Variants in MGAT5B observed in about 807,000 individuals in gnomAD.
MGAT5B encodes the protein N-acetylglucosaminyl-transferase Vb.
Under a neutral mutation model 95.1 loss-of-function variants are expected in MGAT5B, and 54 were observed. The observed-to-expected ratio is 0.57, with a 90% confidence interval of 0.46 to 0.71. The LOEUF (loss-of-function observed/expected upper bound fraction) is 0.71. Among genes scored for constraint, MGAT5B ranks in the 30% least tolerant of loss-of-function variants. The pLI, the probability that MGAT5B is intolerant of heterozygous loss-of-function variation, is 0.00. For missense variants in MGAT5B, 935 were observed against 1,088.6 expected, an observed-to-expected ratio of 0.86 and a Z score of 1.99; for synonymous variants, 464 against 451.0, an observed-to-expected ratio of 1.03 and a Z score of -0.36.
intron 8 of MGAT5B, among the ~76,000 whole-genome samples, chr17:76,910,952 G>T (rs1968711180): frequency 6.6e-6 from 1 of 152,182 alleles, no homozygotes; most frequent in African/African-American, 2.4e-5. Context: ...ACAACTAAAA[G>T]AATAAAAATA....
At position 76,940,985 on chromosome 17, in the gene MGAT5B, T is replaced by C; in HGVS notation, c.1848+137T>C. On this transcript the variant is annotated intron_variant, in intron 15 of 17. Transcript: ENST00000569840. The surrounding 1 kb of genome is among the most constrained non-coding windows in gnomAD (Gnocchi z 4.3). ...TTGGCAAAGGTGTCCATCCCTCCCC[T>C]GGTCAGACACAGCCCTGAGCCAGGG... The C allele has an allele frequency of 1.5e-6, 1 of 651,844 alleles. No homozygotes were observed. The highest frequency in any genetic ancestry group is 2.7e-6 in the Non-Finnish European group (1 of 369,554). 40.4% of individuals were successfully genotyped at this position (651,844 alleles called of 1,614,324 possible). A position where few individuals can be genotyped will look rare whatever the true frequency, so the allele number is the denominator to read the frequency against.
At chr17:76,932,816 G>T in intron 11 of MGAT5B, 41 bp downstream of exon 11, 1 of 1,607,096 alleles carries the variant, frequency 6.2e-7, no homozygotes, top group Non-Finnish European at 8.5e-7. Context: ...CAGCCTGCTC[G>T]GCACAGGCCC....
chr17:76,905,175 T>C lies in MGAT5B; in HGVS notation c.697T>C (p.Phe233Leu). 1 of 1,610,068 alleles carries C rather than the reference T, an allele frequency of 6.2e-7. No homozygotes were observed. The highest frequency in any genetic ancestry group is 8.5e-7 in the Non-Finnish European group (1 of 1,177,060). ...GAGGTCTGGACCCCTCCAGGCAGTT[T>C]TCCGAAGCAACCTGTCCCACCTTCT... Reference protein sequence around the residue: ...PKPLPKVQAVFRSNLSHLLDL... With the variant: ...PKPLPKVQAVLRSNLSHLLDL... Residue 233 changes from phenylalanine to leucine, a missense_variant, in exon 7 of 18, where the codon TTC becomes CTC. Coordinates refer to ENST00000569840, the MANE Select transcript of MGAT5B (RefSeq NM_001199172.2). This position sits in a 1 kb window ranked among gnomAD's most constrained non-coding sequence, Gnocchi z 4.2.
At chr17:76,873,470 G>A (rs993557568) in intron 2 of MGAT5B, among the ~76,000 whole-genome samples, 1 of 152,228 alleles carries the variant, frequency 6.6e-6, no homozygotes, top group African/African-American at 2.4e-5. Flanking sequence ...TGGGCTTTGG[G>A]CGTCTGGTGG....
Position 76,872,973 on chromosome 17 carries a change from T to G in MGAT5B, c.181+10T>G, listed in dbSNP as rs146605213. 5.2e-4 allele frequency: 840 copies of G among 1,612,926 alleles called. 5 individuals are homozygous for G. The African/African-American group carries it at 0.01, about 20-fold the overall frequency. On this transcript the variant is annotated intron_variant, in intron 2 of 17. Transcript: ENST00000569840. ...ACCATCCGCACAGAAGGTACCTTGGTGGGGCAAGGGGAGTGTGAGATGAGT... is the reference window on the plus strand; with the variant it reads ...ACCATCCGCACAGAAGGTACCTTGGGGGGGCAAGGGGAGTGTGAGATGAGT...
intron 12 of MGAT5B, among the ~76,000 whole-genome samples, chr17:76,933,620 T>C (rs557394292): frequency 2.6e-5 from 4 of 152,220 alleles, no homozygotes; most frequent in African/African-American, 9.6e-5. Context: ...GAGGTCAAGG[T>C]TAATAACGAA....
chr17:76,938,793 C>G lies in MGAT5B; in HGVS notation c.1584+650C>G, dbSNP rs1969756897. Among the ~76,000 whole-genome samples, 1 of 152,172 alleles carries G rather than the reference C, an allele frequency of 6.6e-6. No homozygotes were observed. The highest frequency in any genetic ancestry group is 1.5e-5 in the Non-Finnish European group (1 of 68,028). On this transcript the variant is annotated intron_variant, in intron 13 of 17. Transcript: ENST00000569840. This position sits in a 1 kb window ranked among gnomAD's most constrained non-coding sequence, Gnocchi z 4.3. ...TCCTAGGCTCACACAGTCCCCTCACCTCCACCTCCCGAGTAGCTGGGACTA... is the reference window on the plus strand; with the variant it reads ...TCCTAGGCTCACACAGTCCCCTCACGTCCACCTCCCGAGTAGCTGGGACTA...
chr17:76,905,120 T>C lies in MGAT5B; in HGVS notation c.691-49T>C. 1 of 1,558,450 alleles carries C rather than the reference T, an allele frequency of 6.4e-7. No homozygotes were observed. The highest frequency in any genetic ancestry group is 8.7e-7 in the Non-Finnish European group (1 of 1,145,970). On this transcript the variant is annotated intron_variant, in intron 6 of 17. Transcript: ENST00000569840. The surrounding 1 kb of genome is among the most constrained non-coding windows in gnomAD (Gnocchi z 4.2). ...CTGTCCCCAGGCCAGCGGGGAATGA[T>C]GGTGGCCGCAGGTTGAGGGGCAGAG...
chr17:76,902,506 A>G, intron 3 of MGAT5B, 49 bp from the exon 4 acceptor site: 1 of 1,403,626 alleles, frequency 7.1e-7, no homozygotes, highest in Non-Finnish European at 9.8e-7. Context: ...CCTCATGGGA[A>G]GGTCACCCCG....
rs1968897209 is a variant in MGAT5B at position 76,915,481 on chromosome 17, G to A, written c.1025+9294G>A. 6.6e-6 allele frequency among the ~76,000 whole-genome samples: 1 copy of A among 152,126 alleles called. No individual in the cohort carries two copies. Among genetic ancestry groups the A allele is most frequent in the Non-Finnish European group, 1.5e-5 (1 of 68,028 alleles). On this transcript the variant is annotated intron_variant, in intron 8 of 17. Transcript: ENST00000569840. The surrounding 1 kb of genome is among the most constrained non-coding windows in gnomAD (Gnocchi z 8.7). ...GGACAAGACCGAAAAACAACCCTCG[G>A]GCTCTACCAGGGTTTGTAATATGCT...
chr17:76,932,689 C>T lies in MGAT5B; in HGVS notation c.1336C>T (p.Leu446Phe). ...CTTCATGGGCTTCGTGTCCGAGGAG[C>T]TCAACGAGACGGAGAAGCGGCTCAT... ...NSFMGFVSEE[L>F]NETEKRLIKG... Residue 446 changes from leucine to phenylalanine, a missense_variant, in exon 11 of 18, where the codon CTC becomes TTC. Physicochemically the swap from Leu to Phe is conservative, Grantham distance 22. This residue lies in a region of MGAT5B where 440 missense variants were observed against 523.6 expected (regional missense o/e 0.84). Transcript: ENST00000569840. 6.2e-7 allele frequency: 1 copy of T among 1,614,060 alleles called. No individual in the cohort carries two copies. The highest frequency in any genetic ancestry group is 8.5e-7 in the Non-Finnish European group (1 of 1,179,964).
chr17:76,947,801 C>T, intron 16 of MGAT5B, 29 bp from the exon 17 acceptor site: 2 of 1,517,336 alleles, frequency 1.3e-6, no homozygotes, highest in South Asian at 1.3e-5. Context: ...TCGCACTTCC[C>T]CACCCTGACA....
chr17:76,895,139 A>G (rs752191363), intron 3 of MGAT5B, among the ~76,000 whole-genome samples: 3 of 152,110 alleles, frequency 2.0e-5, no homozygotes, highest in Non-Finnish European at 4.4e-5. Context: ...TTAGATTCTT[A>G]TAGGCGTGAA....
intron 3 of MGAT5B, among the ~76,000 whole-genome samples, chr17:76,891,466 G>T (rs989979185): frequency 2.0e-5 from 3 of 151,784 alleles, no homozygotes; most frequent in Non-Finnish European, 2.9e-5. Context: ...TACAACCTCC[G>T]CCTTCTGGGT....
Position 76,868,879 on chromosome 17 carries a change from G to T in MGAT5B, c.-151G>T. 1.6e-6 allele frequency: 1 copy of T among 613,888 alleles called. No homozygotes were observed. Among genetic ancestry groups the T allele is most frequent in the South Asian group, 2.2e-5 (1 of 45,284 alleles). The allele number at this position is 613,888 out of a possible 1,614,324, so 38.0% of individuals were successfully genotyped here. On this transcript the variant is annotated 5_prime_UTR_variant, in exon 1 of 18. Coordinates refer to ENST00000569840, the MANE Select transcript of MGAT5B (RefSeq NM_001199172.2). This position sits in a 1 kb window ranked among gnomAD's most constrained non-coding sequence, Gnocchi z 6.3. ...CTCCCTCCGCTGCACGCCCAGGCCTGAGCAGCGAGGCCACCGGGCCGCGCG... is the reference window on the plus strand; with the variant it reads ...CTCCCTCCGCTGCACGCCCAGGCCTTAGCAGCGAGGCCACCGGGCCGCGCG...
intron 3 of MGAT5B, among the ~76,000 whole-genome samples, chr17:76,886,982 T>A (rs1012432159): frequency 7.9e-5 from 12 of 152,238 alleles, no homozygotes. Context: ...AGGCGGAGGC[T>A]GCACTGAGCT....
chr17:76,924,848 A>T, intron 8 of MGAT5B, 118 bp from the exon 9 acceptor site: 1 of 1,287,136 alleles, frequency 7.8e-7, no homozygotes, highest in Non-Finnish European at 1.1e-6. Flanking sequence ...TTCCTTTCTG[A>T]GAGTCTGTGC....
At chr17:76,927,400 C>T (rs986850084) in intron 10 of MGAT5B, among the ~76,000 whole-genome samples, 1 of 152,042 alleles carries the variant, frequency 6.6e-6, no homozygotes, top group Non-Finnish European at 1.5e-5. Flanking sequence ...CCCCCATGCC[C>T]GGCTAATTTT....
At position 76,870,208 on chromosome 17, in the gene MGAT5B, T is replaced by G. The variant is rs955047124; in HGVS notation, c.68+1111T>G. On this transcript the variant is annotated intron_variant, in intron 1 of 17. Transcript: ENST00000569840. This position sits in a 1 kb window ranked among gnomAD's most constrained non-coding sequence, Gnocchi z 5.0. ...GACGGGGATGGGGGCGGGGAGACGGTGGCTCACCTGGAGCCCGCCTCCCAG... is the reference window on the plus strand; with the variant it reads ...GACGGGGATGGGGGCGGGGAGACGGGGGCTCACCTGGAGCCCGCCTCCCAG... Among the ~76,000 whole-genome samples the G allele has an allele frequency of 2.6e-5, 4 of 152,072 alleles. No homozygotes were observed. The highest frequency in any genetic ancestry group is 9.7e-5 in the African/African-American group (4 of 41,420).
Sources: gnomAD v4.1 joint callset for allele counts (sites outside exome capture counted in the v4.1 genomes callset) on GRCh38, gnomAD v4.1.1 for gene constraint, gnomAD v4.1.1 regional missense constraint, Gnocchi (gnomAD v3.1) non-coding constraint, MANE v1.5 for transcripts, NCBI Gene and HGNC (gene_info 2026-07-23, HGNC 2026-07-21) for gene names.